The following SMC4 variants were observed in gnomAD, a reference collection of about 807,000 sequenced individuals.
SMC4 encodes the protein structural maintenance of chromosomes protein 4.
A neutral mutation model predicts 145.6 loss-of-function variants in SMC4; 87 were observed. The observed-to-expected ratio is 0.60, with a 90% confidence interval of 0.50 to 0.71. The LOEUF is 0.71. Ranked by LOEUF, SMC4 falls within the 30% of genes least tolerant of loss-of-function variation. The probability of loss-of-function intolerance (pLI) is 0.00; values close to 1 mark genes in which losing one functional copy is unlikely to be tolerated. For missense variants in SMC4, 1,447 were observed against 1,537.1 expected, an observed-to-expected ratio of 0.94 and a Z score of 0.98; for synonymous variants, 558 against 500.7, an observed-to-expected ratio of 1.11 and a Z score of -1.53.
In SMC4 at chr3:160,417,318, A is replaced by G. The variant is rs183274541; in HGVS notation, c.1438-405A>G. ...GTCAGATTATAAAACTTTACAGGTTAGAATACCTGTGTGATAAAGTGTCAA... is the reference window on the plus strand; with the variant it reads ...GTCAGATTATAAAACTTTACAGGTTGGAATACCTGTGTGATAAAGTGTCAA... On this transcript the variant is annotated intron_variant, in intron 10 of 23. Transcript: ENST00000357388. Among the ~76,000 whole-genome samples, 429 of 152,332 alleles carry G rather than the reference A, an allele frequency of 2.8e-3. 2 individuals carry two copies. The highest frequency in any genetic ancestry group is 4.7e-3 in the Non-Finnish European group (318 of 68,004).
intron 18 of SMC4, among the ~76,000 whole-genome samples, chr3:160,429,865 C>T (rs968865330): frequency 2.0e-5 from 3 of 151,810 alleles, no homozygotes; most frequent in Admixed American, 6.6e-5. Flanking sequence ...TACAGGCACA[C>T]GCTACCAGGC....
chr3:160,414,595 T>C, intron 9 of SMC4, 78 bp downstream of exon 9: 1 of 1,298,164 alleles, frequency 7.7e-7, no homozygotes, highest in Non-Finnish European at 1.1e-6. Context: ...TTGCCCCTTA[T>C]TGCCTAAGAG....
Position 160,413,627 on chromosome 3 carries a change from G to C in SMC4, c.1121+14G>C, listed in dbSNP as rs1175147245. The C allele has an allele frequency of 7.8e-7, 1 of 1,278,516 alleles. No individual in the cohort carries two copies. Among genetic ancestry groups the C allele is most frequent in the Non-Finnish European group, 1.1e-6 (1 of 918,902 alleles). 79.2% of individuals were successfully genotyped at this position (1,278,516 alleles called of 1,614,324 possible). A position where few individuals can be genotyped will look rare whatever the true frequency, so the allele number is the denominator to read the frequency against. On this transcript the variant is annotated intron_variant, in intron 8 of 23. Coordinates refer to ENST00000357388, the MANE Select transcript of SMC4 (RefSeq NM_001002800.3). ...AGATACAGAAAAGTAATAATATTTTGGGAAGTACTAAAAGTATTTAGATAA... is the reference window on the plus strand; with the variant it reads ...AGATACAGAAAAGTAATAATATTTTCGGAAGTACTAAAAGTATTTAGATAA...
rs575256050 is a variant in SMC4 at position 160,431,219 on chromosome 3, C to T, written c.3114+14C>T. The T allele has an allele frequency of 2.0e-5, 31 of 1,550,784 alleles. No homozygotes were observed. The highest frequency in any genetic ancestry group is 1.1e-4 in the South Asian group (9 of 81,728). ...TGGCACAAAGAGGTGAGATTGTTAC[C>T]GTTTAGTTTAATTTTAAACATATTC... On this transcript the variant is annotated intron_variant, in intron 20 of 23. Coordinates refer to ENST00000357388, the MANE Select transcript of SMC4 (RefSeq NM_001002800.3).
chr3:160,406,809 CCATT>C (rs1256572051), intron 5 of SMC4, among the ~76,000 whole-genome samples: 1 of 152,066 alleles, frequency 6.6e-6, no homozygotes, highest in Non-Finnish European at 1.5e-5. Context: ...CATTAATTGG[CCATT>C]CAATTGAATT....
rs147064297 is a variant in SMC4 at position 160,402,705 on chromosome 3, C to T, written c.348C>T (p.Gly116=). 2.4e-5 allele frequency: 39 copies of T among 1,608,050 alleles called. No homozygotes were observed. The highest frequency in any genetic ancestry group is 3.3e-5 in the Non-Finnish European group (39 of 1,178,504). The change falls in exon 4 of 24, where the codon GGC becomes GGT. Residue 116 remains glycine, a synonymous_variant. Coordinates refer to ENST00000357388, the MANE Select transcript of SMC4 (RefSeq NM_001002800.3). Reference sequence around the variant, plus strand: ...TTTCCTGTATTATCGGGCCAAATGGCAGTGGCAAATCCAATGTTATTGATT... The same window carrying T: ...TTTCCTGTATTATCGGGCCAAATGGTAGTGGCAAATCCAATGTTATTGATT... The part of the protein sequence containing the change: ...KRFSCIIGPN[G]SGKSNVIDSM...
At position 160,420,078 on chromosome 3, in the gene SMC4, T is replaced by G. The variant is rs1201600201; in HGVS notation, c.1857+535T>G. 3.9e-5 allele frequency among the ~76,000 whole-genome samples: 6 copies of G among 152,154 alleles called. No homozygotes were observed. In the East Asian group the frequency reaches 1.2e-3, roughly 29 times the overall value. ...AGCAATAGTGAGGACCATTACTGCT[T>G]CTTAGCTTCGAGGGAAGGGAGTTGT... On this transcript the variant is annotated intron_variant, in intron 12 of 23. Coordinates refer to ENST00000357388, the MANE Select transcript of SMC4 (RefSeq NM_001002800.3).
chr3:160,413,655 G>T, intron 8 of SMC4, 42 bp downstream of exon 8: 1 of 1,050,560 alleles, frequency 9.5e-7, no homozygotes. Context: ...TTAGATAATT[G>T]TATTACATGT....
intron 5 of SMC4, among the ~76,000 whole-genome samples, chr3:160,410,770 C>A (rs185399722): frequency 6.6e-6 from 1 of 152,232 alleles, no homozygotes; most frequent in South Asian, 2.1e-4. Context: ...AATTATGATG[C>A]TCTCATTAGT....
intron 9 of SMC4, among the ~76,000 whole-genome samples, chr3:160,415,757 T>C (rs1716513194): frequency 6.6e-6 from 1 of 152,230 alleles, no homozygotes; most frequent in South Asian, 2.1e-4. Flanking sequence ...AGGCATAGAC[T>C]GCATGGATAA....
chr3:160,404,825 C>T (rs1384473832), intron 5 of SMC4: 2 of 523,842 alleles, frequency 3.8e-6, no homozygotes, highest in Non-Finnish European at 7.8e-6. Flanking sequence ...TTTAGTGTGA[C>T]AGGGATACAG....
chr3:160,428,691 T>C, intron 17 of SMC4, 62 bp from the exon 18 acceptor site: 1 of 1,450,902 alleles, frequency 6.9e-7, no homozygotes, highest in Non-Finnish European at 9.3e-7. Flanking sequence ...GAAATGTACA[T>C]CTAACAAATG....
intron 13 of SMC4, among the ~76,000 whole-genome samples, chr3:160,421,268 T>C (rs1717148022): frequency 6.6e-6 from 1 of 152,100 alleles, no homozygotes. Flanking sequence ...GTTTTTCTTT[T>C]TGGATTCAGG....
chr3:160,432,519 T>A lies in SMC4; in HGVS notation c.3530+4T>A. The A allele has an allele frequency of 5.2e-6, 8 of 1,546,666 alleles. No individual in the cohort carries two copies. Among genetic ancestry groups the A allele is most frequent in the Non-Finnish European group, 7.0e-6 (8 of 1,135,820 alleles). ...TCTCTGAAGGAATCATGTTCAGGTG[T>A]GTAATTATGCTGAGTTTATAATCCC... On this transcript the variant is annotated splice_donor_region_variant and intron_variant, in intron 22 of 23. Coordinates refer to ENST00000357388, the MANE Select transcript of SMC4 (RefSeq NM_001002800.3).
rs1268152689 is a variant in SMC4 at position 160,399,716 on chromosome 3, T to C, written c.-39T>C. On this transcript the variant is annotated 5_prime_UTR_variant, in exon 1 of 24. Transcript: ENST00000357388. ...CGGGGAGGTGGGTACTACACAACCG[T>C]CTCCAGCCTTGGTCTGAGTGGACTG... 1 of 152,616 alleles carries C rather than the reference T, an allele frequency of 6.6e-6. No individual in the cohort carries two copies. The highest frequency in any genetic ancestry group is 1.5e-5 in the Non-Finnish European group (1 of 68,052). The allele number at this position is 152,616 out of a possible 1,614,324, so 9.5% of individuals were successfully genotyped here.
Position 160,414,527 on chromosome 3 carries a change from A to T in SMC4, c.1272+10A>T. On this transcript the variant is annotated intron_variant, in intron 9 of 23. Coordinates refer to ENST00000357388, the MANE Select transcript of SMC4 (RefSeq NM_001002800.3). ...AAAAGATAAAGAAAAGGTAGGTGTTAGAAAAAAATTCTTAAAATTTCACGT... is the reference window on the plus strand; with the variant it reads ...AAAAGATAAAGAAAAGGTAGGTGTTTGAAAAAAATTCTTAAAATTTCACGT... 1 of 1,608,324 alleles carries T rather than the reference A, an allele frequency of 6.2e-7. No homozygotes were observed. The highest frequency in any genetic ancestry group is 8.5e-7 in the Non-Finnish European group (1 of 1,177,344).
At chr3:160,428,560 C>T (rs901698252) in intron 17 of SMC4, among the ~76,000 whole-genome samples, 193 bp from the exon 18 acceptor site, 1 of 151,780 alleles carries the variant, frequency 6.6e-6, no homozygotes, top group Non-Finnish European at 1.5e-5. Flanking sequence ...GTGTGTTTAA[C>T]TTTGTGCATT....
intron 2 of SMC4, 60 bp from the exon 3 acceptor site, chr3:160,401,855 A>G (rs1223469667): frequency 7.4e-7 from 1 of 1,342,942 alleles, no homozygotes; most frequent in Non-Finnish European, 1.0e-6. Context: ...AACTAATTGC[A>G]CTAATGTAGG....
Position 160,401,908 on chromosome 3 carries a change from G to C in SMC4, c.140-7G>C. Reference sequence around the variant, plus strand: ...GCCTTCGTTTTCCTTTCCTTTCACTGACTTAGAGACTGCAAGTGAGGAACT... The same window carrying C: ...GCCTTCGTTTTCCTTTCCTTTCACTCACTTAGAGACTGCAAGTGAGGAACT... On this transcript the variant is annotated splice_polypyrimidine_tract_variant and splice_region_variant and intron_variant, in intron 2 of 23. Coordinates refer to ENST00000357388, the MANE Select transcript of SMC4 (RefSeq NM_001002800.3). 1 of 1,592,576 alleles carries C rather than the reference G, an allele frequency of 6.3e-7. No individual in the cohort carries two copies. Among genetic ancestry groups the C allele is most frequent in the East Asian group, 2.3e-5 (1 of 43,534 alleles).
Sources: gnomAD v4.1 joint callset for allele counts (sites outside exome capture counted in the v4.1 genomes callset) on GRCh38, gnomAD v4.1.1 for gene constraint, MANE v1.5 for transcripts, NCBI Gene and HGNC (gene_info 2026-07-23, HGNC 2026-07-21) for gene names.